DNM2: variants seen among roughly 807,000 people sequenced by gnomAD.
DNM2 encodes the protein dynamin 2, also known as dynamin-2.
In DNM2, 15 loss-of-function variants were observed where a neutral mutation model predicts 99.0. That is an observed-to-expected ratio of 0.15 (90% CI 0.10 to 0.23). The LOEUF is 0.23. Among genes scored for constraint, DNM2 ranks in the 10% least tolerant of loss-of-function variants. The pLI is 1.00. For missense variants in DNM2, 742 were observed against 1,189.4 expected, an observed-to-expected ratio of 0.62 and a Z score of 5.53; for synonymous variants, 525 against 481.2, an observed-to-expected ratio of 1.09 and a Z score of -1.19.
chr19:10,801,654 C>G (rs1018462317), intron 11 of DNM2, among the ~76,000 whole-genome samples: 1 of 148,454 alleles, frequency 6.7e-6, no homozygotes, highest in Non-Finnish European at 1.5e-5. Flanking sequence ...TGCTTGTAAT[C>G]CCAGCACTTT....
intron 13 of DNM2, 113 bp from the exon 14 acceptor site, chr19:10,808,456 C>A: frequency 1.7e-6 from 2 of 1,193,324 alleles, no homozygotes; most frequent in East Asian, 2.6e-5. Context: ...TTCTCTTCTC[C>A]TGTTTTTGTG....
At chr19:10,805,871 C>G (rs367667133) in intron 12 of DNM2, 45 bp from the exon 13 acceptor site, 84 of 1,613,744 alleles carry the variant, frequency 5.2e-5, no homozygotes, top group South Asian at 8.8e-5. Context: ...CTTCTTCCCC[C>G]CCGGCATCTT....
Position 10,817,447 on chromosome 19 carries a change from C to A in DNM2, c.1672-2533C>A. The A allele has an allele frequency of 2.0e-6, 1 of 510,904 alleles. No homozygotes were observed. The highest frequency in any genetic ancestry group is 4.0e-6 in the Non-Finnish European group (1 of 248,578). 31.6% of individuals were successfully genotyped at this position (510,904 alleles called of 1,614,324 possible). A position where few individuals can be genotyped will look rare whatever the true frequency, so the allele number is the denominator to read the frequency against. On this transcript the variant is annotated intron_variant, in intron 15 of 20. Transcript: ENST00000389253. The surrounding 1 kb of genome is among the most constrained non-coding windows in gnomAD (Gnocchi z 4.6). Reference sequence around the variant, plus strand: ...CCCAGCCTAACCAATGTGCAGACTACTGTACACATTGAGAGCCTCCTGAAC... The same window carrying A: ...CCCAGCCTAACCAATGTGCAGACTAATGTACACATTGAGAGCCTCCTGAAC...
chr19:10,799,228 TAAA>T (rs2146041977), intron 11 of DNM2, among the ~76,000 whole-genome samples: 1 of 152,094 alleles, frequency 6.6e-6, no homozygotes, highest in South Asian at 2.1e-4. Flanking sequence ...CCCCGTCTCT[TAAA>T]AAAGAAGCAG....
chr19:10,793,970 C>A (rs1403433661), intron 8 of DNM2, 115 bp downstream of exon 8: 6 of 1,552,198 alleles, frequency 3.9e-6, no homozygotes, highest in Non-Finnish European at 5.3e-6. Flanking sequence ...TAGGCCTGAA[C>A]TTGTGGTGGG....
intron 16 of DNM2, among the ~76,000 whole-genome samples, chr19:10,822,719 A>C (rs1318046160): frequency 6.6e-6 from 1 of 151,702 alleles, no homozygotes; most frequent in African/African-American, 2.4e-5. Flanking sequence ...GGCTGGTCTC[A>C]AACTCCTGAC....
intron 13 of DNM2, among the ~76,000 whole-genome samples, chr19:10,806,557 G>C (rs1291762991): frequency 6.6e-6 from 1 of 152,152 alleles, no homozygotes; most frequent in Non-Finnish European, 1.5e-5. Flanking sequence ...TTAGGAGGCT[G>C]AGGCGGGCGG....
In DNM2 at chr19:10,811,704, C is replaced by A. The variant is rs781563537; in HGVS notation, c.1558-560C>A. Reference sequence around the variant, plus strand: ...GCGCAGGCCTGGGTTCTGACCCCCACGCAGATGACAGCTACAGCCACACAA... The same window carrying A: ...GCGCAGGCCTGGGTTCTGACCCCCAAGCAGATGACAGCTACAGCCACACAA... On this transcript the variant is annotated intron_variant, in intron 14 of 20. Coordinates refer to ENST00000389253, the MANE Select transcript of DNM2 (RefSeq NM_001005361.3). The surrounding 1 kb of genome is among the most constrained non-coding windows in gnomAD (Gnocchi z 5.4). The A allele has an allele frequency of 3.9e-6, 2 of 518,062 alleles. No individual in the cohort carries two copies. Among genetic ancestry groups the A allele is most frequent in the Non-Finnish European group, 7.7e-6 (2 of 259,580 alleles). The allele number at this position is 518,062 out of a possible 1,614,324, so 32.1% of individuals were successfully genotyped here. A position where few individuals can be genotyped will look rare whatever the true frequency, so the allele number is the denominator to read the frequency against.
At chr19:10,769,591 G>A (rs1462241721) in intron 2 of DNM2, 1 of 152,402 alleles carries the variant, frequency 6.6e-6, no homozygotes, top group Non-Finnish European at 1.5e-5. Context: ...GGCTAAGCTG[G>A]GGTCCTGGAG....
At chr19:10,740,527 C>T (rs2069707372) in intron 1 of DNM2, among the ~76,000 whole-genome samples, 1 of 152,154 alleles carries the variant, frequency 6.6e-6, no homozygotes, top group Admixed American at 6.6e-5. Flanking sequence ...AGGCACCCAC[C>T]ACCATGCCTG....
chr19:10,742,172 T>G (rs2069776898), intron 1 of DNM2, among the ~76,000 whole-genome samples: 1 of 152,096 alleles, frequency 6.6e-6, no homozygotes, highest in South Asian at 2.1e-4. Flanking sequence ...TGCCAGAGAC[T>G]TGGGGGTCCG....
At chr19:10,754,913 G>T (rs2070330869) in intron 1 of DNM2, among the ~76,000 whole-genome samples, 1 of 152,148 alleles carries the variant, frequency 6.6e-6, no homozygotes, top group Non-Finnish European at 1.5e-5. Context: ...ATAAATGATT[G>T]TACCTTGGTA....
chr19:10,784,254 A>C (rs541406647), intron 6 of DNM2, among the ~76,000 whole-genome samples: 6 of 152,096 alleles, frequency 3.9e-5, no homozygotes, highest in African/African-American at 1.4e-4. Flanking sequence ...AATGGGGGAG[A>C]CTGACACCCA....
chr19:10,811,922 G>A lies in DNM2; in HGVS notation c.1558-342G>A. On this transcript the variant is annotated intron_variant, in intron 14 of 20. Transcript: ENST00000389253. The surrounding 1 kb of genome is among the most constrained non-coding windows in gnomAD (Gnocchi z 5.4). The stretch of plus-strand genomic sequence containing the variant: ...GGAACCTTATCTCACGCAAACAAGT[G>A]CAGTTCCTCAGATGTCACATTTCAT... The A allele has an allele frequency of 6.6e-6, 3 of 456,224 alleles. No homozygotes were observed. The highest frequency in any genetic ancestry group is 2.4e-5 in the Admixed American group (1 of 42,242). 28.3% of individuals were successfully genotyped at this position (456,224 alleles called of 1,614,324 possible).
chr19:10,773,039 G>C (rs1202836127), intron 3 of DNM2, among the ~76,000 whole-genome samples: 1 of 150,504 alleles, frequency 6.6e-6, no homozygotes, highest in Non-Finnish European at 1.5e-5. Context: ...GGGTTCAGTG[G>C]TGTGATCTCT....
Position 10,718,240 on chromosome 19 carries a change from G to C in DNM2, c.-3G>C, listed in dbSNP as rs2068817358. On this transcript the variant is annotated 5_prime_UTR_variant, in exon 1 of 21. Coordinates refer to ENST00000389253, the MANE Select transcript of DNM2 (RefSeq NM_001005361.3). ...GGCGCTCGGGCCGGGGGCCGCCGGC[G>C]CCATGGGCAACCGCGGGATGGAAGA... 2 of 1,477,266 alleles carry C rather than the reference G, an allele frequency of 1.4e-6. No individual in the cohort carries two copies. Among genetic ancestry groups the C allele is most frequent in the Non-Finnish European group, 1.8e-6 (2 of 1,112,116 alleles). The allele number at this position is 1,477,266 out of a possible 1,614,324, so 91.5% of individuals were successfully genotyped here. A position where few individuals can be genotyped will look rare whatever the true frequency, so the allele number is the denominator to read the frequency against.
At chr19:10,727,086 C>T (rs1010318217) in intron 1 of DNM2, among the ~76,000 whole-genome samples, 1 of 152,170 alleles carries the variant, frequency 6.6e-6, no homozygotes. Context: ...ACATACTCTG[C>T]CCTAACCCCA....
chr19:10,743,332 A>G (rs1028264016), intron 1 of DNM2, among the ~76,000 whole-genome samples: 9 of 151,784 alleles, frequency 5.9e-5, no homozygotes, highest in African/African-American at 2.2e-4. Context: ...CTGATGCTCT[A>G]GCTGGGGGCC....
At position 10,830,242 on chromosome 19, in the gene DNM2, T is replaced by G; in HGVS notation, c.2407T>G (p.Ser803Ala). Residue 803 changes from serine to alanine, a missense_variant, in exon 20 of 21, where the codon TCC (serine) becomes GCC (alanine). Ser to Ala is a moderately conservative substitution (Grantham distance 99). This residue lies in a region of DNM2 where 187 missense variants were observed against 218.8 expected (regional missense o/e 0.85). Transcript: ENST00000389253. This position sits in a 1 kb window ranked among gnomAD's most constrained non-coding sequence, Gnocchi z 4.8. ...LIPVPVGAAA[S>A]FSAPPIPSRP... ...TCCTGTTCCCGTGGGGGCAGCAGCC[T>G]CCTTCTCGGCGCCCCCAATCCCATC... 1.2e-6 allele frequency: 2 copies of G among 1,613,770 alleles called. No individual in the cohort carries two copies. The highest frequency in any genetic ancestry group is 1.7e-6 in the Non-Finnish European group (2 of 1,179,886).
Sources: allele counts gnomAD v4.1 joint callset (sites outside exome capture counted in the v4.1 genomes callset), GRCh38; gene constraint gnomAD v4.1.1; regional missense constraint gnomAD v4.1.1; non-coding constraint Gnocchi (gnomAD v3.1); transcripts MANE v1.5; gene names NCBI Gene and HGNC (gene_info 2026-07-23, HGNC 2026-07-21).